The following TPO variants were observed in gnomAD, a reference collection of about 807,000 sequenced individuals.
TPO encodes thyroid microsomal antigen.
Under a neutral mutation model 96.9 loss-of-function variants are expected in TPO, and 78 were observed. The ratio of observed to expected loss-of-function variants is 0.81; its 90% CI spans 0.67 to 0.97. The LOEUF (loss-of-function observed/expected upper bound fraction) is 0.97, where lower values mean the gene tolerates loss of function less well. Among genes scored for constraint, TPO ranks in the 50% least tolerant of loss-of-function variants. The pLI, the probability that TPO is intolerant of heterozygous loss-of-function variation, is 0.00. For missense variants in TPO, 1,252 were observed against 1,274.8 expected (o/e 0.98, Z 0.27); for synonymous variants, 547 against 538.0 (o/e 1.02, Z -0.23).
At chr2:1,518,382 C>G (rs895183179) in intron 15 of TPO, among the ~76,000 whole-genome samples, 3 of 152,158 alleles carry the variant, frequency 2.0e-5, no homozygotes, top group African/African-American at 7.2e-5. Flanking sequence ...TTCCAAAGGG[C>G]CTTGTCAAGA....
At chr2:1,393,034 A>G (rs1163538129) in intron 1 of TPO, among the ~76,000 whole-genome samples, 2 of 152,198 alleles carry the variant, frequency 1.3e-5, no homozygotes, top group Non-Finnish European at 2.9e-5. Flanking sequence ...CATTCTCATA[A>G]TGGTATAAAG....
Position 1,414,468 on chromosome 2 carries a change from C to A in TPO, c.60C>A (p.Phe20Leu), listed in dbSNP as rs979168390. ...TLVMACTEAF[F>L]PFISRGKELL... Reference sequence around the variant, plus strand: ...TTATGGCCTGCACAGAAGCCTTCTTCCCCTTCATCTCGAGAGGGAAAGAAC... The same window carrying A: ...TTATGGCCTGCACAGAAGCCTTCTTACCCTTCATCTCGAGAGGGAAAGAAC... The change falls in exon 2 of 17, where the codon TTC (phenylalanine) becomes TTA (leucine). Residue 20 changes from phenylalanine (F) to leucine (L), a missense_variant. Physicochemically the swap from Phe to Leu is conservative, Grantham distance 22. Coordinates refer to ENST00000329066, the MANE Select transcript of TPO (RefSeq NM_001206744.2). 1.9e-6 allele frequency: 3 copies of A among 1,613,956 alleles called. No individual in the cohort carries two copies. Among genetic ancestry groups the A allele is most frequent in the Non-Finnish European group, 1.7e-6 (2 of 1,179,902 alleles).
chr2:1,399,492 T>A (rs1050423508), intron 1 of TPO, among the ~76,000 whole-genome samples: 2 of 152,228 alleles, frequency 1.3e-5, no homozygotes. Context: ...AGATCCACCA[T>A]AACTGATAAT....
chr2:1,507,353 A>T (rs953083665), intron 14 of TPO, among the ~76,000 whole-genome samples: 14 of 152,104 alleles, frequency 9.2e-5, no homozygotes, highest in Non-Finnish European at 1.8e-4. Context: ...CTTAGGATTG[A>T]CTTGGCAATG....
intron 1 of TPO, among the ~76,000 whole-genome samples, chr2:1,386,178 A>C (rs1011849833): frequency 1.3e-5 from 2 of 152,252 alleles, no homozygotes; most frequent in East Asian, 1.9e-4. Flanking sequence ...TGTGGAGAAG[A>C]ATGTATGTTC....
chr2:1,480,810 C>CCTGCTGCTGCGTCT (rs1670540145), intron 8 of TPO, among the ~76,000 whole-genome samples: 1 of 120,400 alleles, frequency 8.3e-6, no homozygotes, highest in African/African-American at 2.8e-5. Flanking sequence ...CTGCTGCATC[C>CCTGCTGCTGCGTCT]GTCCACACCA....
intron 6 of TPO, among the ~76,000 whole-genome samples, chr2:1,455,761 A>T (rs1439270403): frequency 1.3e-5 from 2 of 151,940 alleles, no homozygotes; most frequent in Non-Finnish European, 2.9e-5. Context: ...TTTGTCAATG[A>T]CTCTTCACTT....
chr2:1,444,412 G>T (rs1057054321), intron 5 of TPO, among the ~76,000 whole-genome samples: 2 of 150,532 alleles, frequency 1.3e-5, no homozygotes, highest in African/African-American at 4.9e-5. Context: ...ATTGCTGCAG[G>T]AGGTACCATG....
chr2:1,493,917 T>A lies in TPO; in HGVS notation c.1884T>A (p.His628Gln), dbSNP rs1179970970. The A allele has an allele frequency of 1.2e-6, 2 of 1,614,168 alleles. No homozygotes were observed. Among genetic ancestry groups the A allele is most frequent in the Admixed American group, 3.3e-5 (2 of 60,020 alleles). Residue 628 changes from histidine (H) to glutamine (Q), a missense_variant, in exon 11 of 17, where the codon CAT (histidine) becomes CAA (glutamine). Physicochemically the swap from His to Gln is conservative, Grantham distance 24 (BLOSUM62 0). Coordinates refer to ENST00000329066, the MANE Select transcript of TPO (RefSeq NM_001206744.2). ...VADKILDLYK[H>Q]PDNIDVWLGG... The stretch of plus-strand genomic sequence containing the variant: ...ACAAGATCCTGGACTTGTACAAGCA[T>A]CCTGACAACATCGATGTCTGGCTGG...
intron 1 of TPO, among the ~76,000 whole-genome samples, chr2:1,383,479 A>G (rs1165370169): frequency 6.6e-6 from 1 of 152,196 alleles, no homozygotes; most frequent in Non-Finnish European, 1.5e-5. Context: ...ATGGCCAGTG[A>G]TGATGAGCAG....
At chr2:1,539,584 T>A (rs1376119750) in intron 15 of TPO, among the ~76,000 whole-genome samples, 8 of 152,130 alleles carry the variant, frequency 5.3e-5, no homozygotes, top group Admixed American at 4.6e-4. Flanking sequence ...GCGGTGACGG[T>A]GCACTGGACT....
At chr2:1,488,096 T>C in intron 10 of TPO, 105 bp downstream of exon 10, 3 of 1,523,432 alleles carry the variant, frequency 2.0e-6, no homozygotes, top group Non-Finnish European at 2.7e-6. Context: ...CAATCACAAA[T>C]CTGAGGCCTT....
intron 15 of TPO, among the ~76,000 whole-genome samples, chr2:1,520,401 C>CAG (rs1230779328): frequency 6.6e-6 from 1 of 152,144 alleles, no homozygotes; most frequent in Admixed American, 6.5e-5. Context: ...ACAGAGACAG[C>CAG]AGAGAGAGAC....
At chr2:1,482,482 A>G (rs1670741734) in intron 8 of TPO, among the ~76,000 whole-genome samples, 2 of 152,136 alleles carry the variant, frequency 1.3e-5, no homozygotes, top group South Asian at 4.1e-4. Flanking sequence ...GAGGAAGAAG[A>G]CATGGCCCAC....
At chr2:1,529,824 TC>T (rs1677630189) in intron 15 of TPO, among the ~76,000 whole-genome samples, 1 of 100,684 alleles carries the variant, frequency 9.9e-6, no homozygotes, top group African/African-American at 4.4e-5. Flanking sequence ...GTGTGCAGCC[TC>T]CCCAAATCCC....
chr2:1,519,019 G>A (rs544785647), intron 15 of TPO, among the ~76,000 whole-genome samples: 9 of 152,320 alleles, frequency 5.9e-5, no homozygotes, highest in East Asian at 1.9e-4. Flanking sequence ...CTGAGCAGGC[G>A]AAGGCCATCT....
intron 1 of TPO, among the ~76,000 whole-genome samples, chr2:1,378,050 C>T (rs570136691): frequency 2.1e-4 from 32 of 152,226 alleles, no homozygotes; most frequent in African/African-American, 7.7e-4. Flanking sequence ...CAGGGAAACC[C>T]CGTTTGCTTG....
intron 5 of TPO, among the ~76,000 whole-genome samples, chr2:1,452,626 C>G (rs951097227): frequency 1.3e-5 from 2 of 152,172 alleles, no homozygotes; most frequent in African/African-American, 4.8e-5. Context: ...CCTCAAAACT[C>G]CTTCTGAGAT....
At position 1,433,569 on chromosome 2, in the gene TPO, A is replaced by C; in HGVS notation, c.311A>C (p.Lys104Thr). ...ACATCAATACAAGCGATGAAAAGAA[A>C]AGTCAACCTGAAAACTCAACAATCA... ...METSIQAMKR[K>T]VNLKTQQSQH... is the part of the protein sequence containing the mutation. Residue 104 changes from lysine (K) to threonine (T), a missense_variant, in exon 4 of 17, where the codon AAA becomes ACA. Physicochemically the swap from Lys to Thr is moderately conservative, Grantham distance 78. Transcript: ENST00000329066. 1 of 1,614,178 alleles carries C rather than the reference A, an allele frequency of 6.2e-7. No individual in the cohort carries two copies. The highest frequency in any genetic ancestry group is 1.1e-5 in the South Asian group (1 of 91,068).
Sources: allele counts gnomAD v4.1 joint callset (sites outside exome capture counted in the v4.1 genomes callset), GRCh38; gene constraint gnomAD v4.1.1; transcripts MANE v1.5; gene names NCBI Gene and HGNC (gene_info 2026-07-23, HGNC 2026-07-21).